THSD4: variants seen among roughly 807,000 people sequenced by gnomAD.
THSD4 encodes thrombospondin type-1 domain-containing protein 4.
Under a neutral mutation model 119.0 loss-of-function variants are expected in THSD4, and 69 were observed. The ratio of observed to expected loss-of-function variants is 0.58; its 90% CI spans 0.48 to 0.71. The LOEUF (loss-of-function observed/expected upper bound fraction) is 0.71. THSD4 is among the 30% of genes least tolerant of loss of function. The pLI is 0.00. For missense variants in THSD4, 1,393 were observed against 1,391.1 expected (o/e 1.00, Z -0.02); for synonymous variants, 524 against 540.4 (o/e 0.97, Z 0.42).
At chr15:71,474,883 A>G (rs113635628) in intron 7 of THSD4, among the ~76,000 whole-genome samples, 10 of 152,298 alleles carry the variant, frequency 6.6e-5, no homozygotes, top group African/African-American at 2.2e-4. Context: ...TATCCCCTCC[A>G]TTCTCTCTAG....
At chr15:71,576,783 A>T (rs911542871) in intron 7 of THSD4, among the ~76,000 whole-genome samples, 8 of 152,186 alleles carry the variant, frequency 5.3e-5, no homozygotes, top group African/African-American at 1.9e-4. Flanking sequence ...CCCCTTTCAG[A>T]TAAAAAGATA....
chr15:71,292,982 A>G (rs2044813284), intron 6 of THSD4, among the ~76,000 whole-genome samples: 1 of 152,134 alleles, frequency 6.6e-6, no homozygotes, highest in African/African-American at 2.4e-5. Flanking sequence ...GGCCAAATAT[A>G]ACAGGACTTT....
intron 7 of THSD4, among the ~76,000 whole-genome samples, chr15:71,474,704 C>T (rs529106029): frequency 8.5e-5 from 13 of 152,276 alleles, no homozygotes; most frequent in Admixed American, 7.2e-4. Context: ...TCCTAGATTC[C>T]CTCTGGGTTC....
chr15:71,682,452 A>T (rs1368375246), intron 8 of THSD4, among the ~76,000 whole-genome samples: 1 of 152,046 alleles, frequency 6.6e-6, no homozygotes, highest in Non-Finnish European at 1.5e-5. Context: ...TCTGTCACTA[A>T]CCTCCCCACC....
chr15:71,497,249 A>G (rs2048032895), intron 7 of THSD4, among the ~76,000 whole-genome samples: 2 of 152,204 alleles, frequency 1.3e-5, no homozygotes, highest in Admixed American at 1.3e-4. Context: ...ACGGTGGCTT[A>G]TGCCTATAAT....
chr15:71,546,934 A>G (rs368972916), intron 7 of THSD4, among the ~76,000 whole-genome samples: 1 of 152,240 alleles, frequency 6.6e-6, no homozygotes, highest in Non-Finnish European at 1.5e-5. Context: ...TGTCAGTCCC[A>G]GATCCTGGAC....
chr15:71,125,866 G>A (rs1251551466), intron 1 of THSD4, among the ~76,000 whole-genome samples: 1 of 152,238 alleles, frequency 6.6e-6, no homozygotes, highest in African/African-American at 2.4e-5. Flanking sequence ...TGGGAGACCC[G>A]TCTTAAGTAG....
At chr15:71,379,290 G>A (rs951049719) in intron 6 of THSD4, among the ~76,000 whole-genome samples, 1 of 151,772 alleles carries the variant, frequency 6.6e-6, no homozygotes, top group Non-Finnish European at 1.5e-5. Context: ...GGGGATTCTG[G>A]TTCTCTTAGG....
intron 8 of THSD4, among the ~76,000 whole-genome samples, chr15:71,680,960 T>C (rs1291990514): frequency 1.3e-5 from 2 of 149,102 alleles, no homozygotes; most frequent in African/African-American, 5.0e-5. Context: ...ACTCTGTTGC[T>C]CAGGCTGGAG....
intron 8 of THSD4, among the ~76,000 whole-genome samples, chr15:71,682,784 A>T (rs1239588052): frequency 6.6e-6 from 1 of 152,032 alleles, no homozygotes; most frequent in Non-Finnish European, 1.5e-5. Context: ...TGTACCACAC[A>T]GAGTATTTTG....
At chr15:71,606,682 A>G (rs867760148) in intron 7 of THSD4, among the ~76,000 whole-genome samples, 19 of 152,184 alleles carry the variant, frequency 1.2e-4, no homozygotes, top group African/African-American at 4.6e-4. Flanking sequence ...CTGGGATTAC[A>G]GGCATGTGCC....
chr15:71,101,547 C>T (rs757043696), intron 1 of THSD4, among the ~76,000 whole-genome samples: 5 of 152,054 alleles, frequency 3.3e-5, no homozygotes, highest in Non-Finnish European at 5.9e-5. Flanking sequence ...AAGTTTCCCT[C>T]GATTTAATTT....
intron 3 of THSD4, chr15:71,186,817 A>G (rs586740): frequency 0.018 from 2,760 of 152,304 alleles, 92 homozygotes; most frequent in African/African-American, 0.063. Context: ...AAAGCCTCTA[A>G]ACTGCTCAGT....
intron 6 of THSD4, among the ~76,000 whole-genome samples, chr15:71,289,328 G>A (rs116043321): frequency 1.3e-5 from 2 of 152,264 alleles, no homozygotes; most frequent in African/African-American, 4.8e-5. Flanking sequence ...CTCTCTGAAC[G>A]GACTGTCCTG....
At chr15:71,510,129 A>G (rs1277323672) in intron 7 of THSD4, among the ~76,000 whole-genome samples, 3 of 152,200 alleles carry the variant, frequency 2.0e-5, no homozygotes, top group African/African-American at 7.2e-5. Context: ...AACTTTGCCC[A>G]TTGGTAGAAA....
chr15:71,202,131 A>G (rs923898962), intron 3 of THSD4, among the ~76,000 whole-genome samples: 15 of 152,282 alleles, frequency 9.9e-5, no homozygotes, highest in Non-Finnish European at 2.1e-4. Context: ...CACCTAAGCC[A>G]TCCCTGAAAG....
At chr15:71,472,556 T>G (rs2047597111) in intron 7 of THSD4, among the ~76,000 whole-genome samples, 1 of 152,154 alleles carries the variant, frequency 6.6e-6, no homozygotes, top group African/African-American at 2.4e-5. Flanking sequence ...TTGCTCTTCT[T>G]AGAGAACAGA....
chr15:71,526,451 A>C (rs2048519809), intron 7 of THSD4, among the ~76,000 whole-genome samples: 1 of 151,322 alleles, frequency 6.6e-6, no homozygotes. Context: ...TCGTTTTGGC[A>C]GTTTTATTGT....
intron 6 of THSD4, among the ~76,000 whole-genome samples, chr15:71,395,954 A>AC (rs1566968379): frequency 0.094 from 10,206 of 108,456 alleles, 502 homozygotes; most frequent in Admixed American, 0.2. Flanking sequence ...CACACACACA[A>AC]ACACAGACTT....
Sources: gnomAD v4.1 joint callset for allele counts (sites outside exome capture counted in the v4.1 genomes callset) on GRCh38, gnomAD v4.1.1 for gene constraint, MANE v1.5 for transcripts, NCBI Gene and HGNC (gene_info 2026-07-23, HGNC 2026-07-21) for gene names.